The following SLC35D4 variants were observed in gnomAD, a reference collection of about 807,000 sequenced individuals.
The protein encoded by SLC35D4 is UDP-N-acetylglucosamine transporter SLC35D4.
the SLC35D4 span, among the ~76,000 whole-genome samples, chr18:23,404,999 A>C: frequency 6.2e-5 from 9 of 146,118 alleles, no homozygotes; most frequent in East Asian, 4.0e-4. Context: ...TCTCAAAAAA[A>C]AAAAAAAAAA....
the SLC35D4 span, among the ~76,000 whole-genome samples, chr18:23,238,884 G>C: frequency 3.9e-4 from 59 of 152,168 alleles, no homozygotes; most frequent in Non-Finnish European, 7.5e-4. Flanking sequence ...CACAACTGCC[G>C]ACCTCGGGGT....
At chr18:23,331,397 G>C in the SLC35D4 span, 1 of 150,810 alleles carries the variant, frequency 6.6e-6, no homozygotes, top group East Asian at 1.9e-4. Flanking sequence ...CCTGCCCCCC[G>C]CCACCACCTG....
chr18:23,263,696 G>A, the SLC35D4 span, among the ~76,000 whole-genome samples: 29 of 152,232 alleles, frequency 1.9e-4, no homozygotes, highest in Non-Finnish European at 4.1e-4. Context: ...ATCAGTGTGT[G>A]ACTAGGAAAT....
chr18:23,342,691 T>G, the SLC35D4 span, among the ~76,000 whole-genome samples: 11,432 of 152,286 alleles, frequency 0.075, 688 homozygotes, highest in Admixed American at 0.21. Flanking sequence ...CAGCAATTTA[T>G]GAATGTTCTG....
the SLC35D4 span, among the ~76,000 whole-genome samples, chr18:23,268,803 CGTGTGTGT>C: frequency 4.0e-5 from 6 of 149,488 alleles, no homozygotes; most frequent in Middle Eastern, 3.4e-3. Flanking sequence ...TGTGTGTGTG[CGTGTGTGT>C]GTGTGTGTGT....
At chr18:23,379,357 C>G in the SLC35D4 span, among the ~76,000 whole-genome samples, 2 of 152,140 alleles carry the variant, frequency 1.3e-5, no homozygotes, top group African/African-American at 2.4e-5. Flanking sequence ...CTCATGGCCT[C>G]AAGTGATCTG....
chr18:23,433,121 T>C, the SLC35D4 span, among the ~76,000 whole-genome samples: 2 of 151,718 alleles, frequency 1.3e-5, no homozygotes, highest in Admixed American at 1.3e-4. Context: ...AATGTAATGA[T>C]GCAATCTTGG....
At chr18:23,241,286 C>A in the SLC35D4 span, among the ~76,000 whole-genome samples, 6 of 151,870 alleles carry the variant, frequency 4.0e-5, no homozygotes, top group Non-Finnish European at 5.9e-5. Context: ...CTTTGGGAGG[C>A]CGAGGTGGGT....
chr18:23,437,919 C>A, the SLC35D4 span: 1 of 1,529,928 alleles, frequency 6.5e-7, no homozygotes, highest in Non-Finnish European at 8.9e-7. Flanking sequence ...CCGCCCGACC[C>A]CCGCAGCAGC....
the SLC35D4 span, among the ~76,000 whole-genome samples, chr18:23,377,137 C>T: frequency 6.6e-5 from 10 of 152,220 alleles, no homozygotes; most frequent in Admixed American, 4.6e-4. Flanking sequence ...CTGCAGGCAC[C>T]GGGGTCTGCA....
At chr18:23,324,261 C>T in the SLC35D4 span, among the ~76,000 whole-genome samples, 1 of 152,164 alleles carries the variant, frequency 6.6e-6, no homozygotes, top group Non-Finnish European at 1.5e-5. Flanking sequence ...ACCCTGCTGG[C>T]ACCTTGCTCT....
the SLC35D4 span, chr18:23,399,553 C>T: frequency 1.2e-6 from 2 of 1,613,260 alleles, no homozygotes; most frequent in South Asian, 2.2e-5. Context: ...TCCCCTGAAC[C>T]TCTAATACTT....
the SLC35D4 span, chr18:23,257,147 G>A: frequency 2.7e-6 from 4 of 1,509,122 alleles, no homozygotes; most frequent in Non-Finnish European, 3.6e-6. Flanking sequence ...ACTGGCTGGT[G>A]GATAGAGAAG....
chr18:23,308,238 G>T, the SLC35D4 span, among the ~76,000 whole-genome samples: 1 of 152,134 alleles, frequency 6.6e-6, no homozygotes, highest in African/African-American at 2.4e-5. Flanking sequence ...GAAGTGACAG[G>T]CCCAGAAGCC....
the SLC35D4 span, among the ~76,000 whole-genome samples, chr18:23,305,107 T>C: frequency 6.6e-6 from 1 of 152,244 alleles, no homozygotes; most frequent in East Asian, 1.9e-4. Context: ...ATTATGGAAT[T>C]ATAGCTATGG....
the SLC35D4 span, among the ~76,000 whole-genome samples, chr18:23,354,278 G>A: frequency 7.0e-6 from 1 of 142,838 alleles, no homozygotes; most frequent in African/African-American, 2.6e-5. Context: ...GAGGCGGGCG[G>A]ATCACGAGGT....
At chr18:23,384,640 C>T in the SLC35D4 span, among the ~76,000 whole-genome samples, 2 of 152,202 alleles carry the variant, frequency 1.3e-5, no homozygotes, top group African/African-American at 2.4e-5. Flanking sequence ...GCTAGTGCCG[C>T]GGCACCCTGT....
At chr18:23,381,887 C>T in the SLC35D4 span, among the ~76,000 whole-genome samples, 2 of 152,170 alleles carry the variant, frequency 1.3e-5, no homozygotes, top group Non-Finnish European at 2.9e-5. Context: ...TTGATCTTAT[C>T]CAGGTAAATC....
At chr18:23,290,826 CAG>C in the SLC35D4 span, among the ~76,000 whole-genome samples, 2 of 149,402 alleles carry the variant, frequency 1.3e-5, no homozygotes, top group African/African-American at 4.9e-5. Flanking sequence ...TTAGTAGAAA[CAG>C]AGTTTCAACA....
Sources: gnomAD v4.1 joint callset for allele counts (sites outside exome capture counted in the v4.1 genomes callset) on GRCh38, gnomAD v4.1.1 for gene constraint, MANE v1.5 for transcripts, NCBI Gene and HGNC (gene_info 2026-07-23, HGNC 2026-07-21) for gene names.